The following IL1R2 variants were observed in gnomAD, a reference collection of about 807,000 sequenced individuals.
IL1R2 encodes interleukin-1 receptor type 2.
Under a neutral mutation model 39.5 loss-of-function variants are expected in IL1R2, and 46 were observed. The observed-to-expected ratio is 1.16, with a 90% CI of 0.92 to 1.49. IL1R2 has a LOEUF of 1.49. Ranked by LOEUF, IL1R2 falls within the 40% of genes most tolerant of loss-of-function variation. The probability of loss-of-function intolerance (pLI) is 0.00; values close to 1 mark genes in which losing one functional copy is unlikely to be tolerated. For synonymous variants in IL1R2, 207 were observed against 189.6 expected (o/e 1.09, Z -0.75); for missense variants, 537 against 502.0 (o/e 1.07, Z -0.67).
intron 8 of IL1R2, 95 bp from the exon 9 acceptor site, chr2:102,028,131 C>T (rs1677845037): frequency 5.5e-6 from 6 of 1,085,882 alleles, no homozygotes; most frequent in Non-Finnish European, 7.6e-6. Context: ...AAAACAAACT[C>T]CAATTTCTTT....
Position 102,015,983 on chromosome 2 carries a change from G to T in IL1R2, c.445G>T (p.Val149Leu), listed in dbSNP as rs182332579. 1.2e-5 allele frequency: 19 copies of T among 1,613,754 alleles called. No homozygotes were observed. Among genetic ancestry groups the T allele is most frequent in the Non-Finnish European group, 1.5e-5 (18 of 1,179,788 alleles). Residue 149 changes from valine to leucine, a missense_variant, in exon 4 of 9, where the codon GTA becomes TTA. By Grantham distance (32) the Val-to-Leu change is conservative. Coordinates refer to ENST00000332549, the MANE Select transcript of IL1R2 (RefSeq NM_004633.4). ...PQILTLSTSG[V>L]LVCPDLSEFT... ...AATTTTAACCTTGTCAACCTCTGGG[G>T]TATTAGTATGCCCTGACCTGAGTGA...
intron 5 of IL1R2, 59 bp from the exon 6 acceptor site, chr2:102,022,128 A>C: frequency 2.2e-6 from 3 of 1,385,720 alleles, no homozygotes; most frequent in Non-Finnish European, 2.1e-6. Context: ...AATGACTTGA[A>C]CCACAGCGTC....
At chr2:102,022,288 G>A in intron 6 of IL1R2, 39 bp downstream of exon 6, 2 of 1,554,464 alleles carry the variant, frequency 1.3e-6, no homozygotes, top group South Asian at 1.1e-5. Context: ...CGCACCTGTG[G>A]GGGTGCCTGG....
intron 4 of IL1R2, among the ~76,000 whole-genome samples, chr2:102,017,172 T>C (rs1185978407): frequency 1.3e-5 from 2 of 151,900 alleles, no homozygotes; most frequent in Non-Finnish European, 2.9e-5. Flanking sequence ...CCAAGGCAGG[T>C]AGATCACCTG....
intron 8 of IL1R2, among the ~76,000 whole-genome samples, chr2:102,028,002 T>G (rs1250647040): frequency 6.6e-6 from 1 of 152,192 alleles, no homozygotes; most frequent in African/African-American, 2.4e-5. Context: ...CCTACGATGT[T>G]TCTAACAGAT....
Sources: allele counts gnomAD v4.1 joint callset (sites outside exome capture counted in the v4.1 genomes callset), GRCh38; gene constraint gnomAD v4.1.1; transcripts MANE v1.5; gene names NCBI Gene and HGNC (gene_info 2026-07-23, HGNC 2026-07-21).